Variants in HDAC4 observed in about 807,000 individuals in gnomAD.
HDAC4 encodes histone deacetylase 4, also known as histone deacetylase A.
HDAC4 carries 16 observed loss-of-function variants against 135.1 expected under a neutral mutation model. That is an observed-to-expected ratio of 0.12 (90% CI 0.08 to 0.18). The LOEUF (loss-of-function observed/expected upper bound fraction) is 0.18, where lower values mean the gene tolerates loss of function less well. HDAC4 is among the 10% of genes least tolerant of loss of function. The pLI is 1.00. For synonymous variants in HDAC4, 685 were observed against 653.4 expected (o/e 1.05, Z -0.74); for missense variants, 1,143 against 1,511.8 (o/e 0.76, Z 4.05).
At position 239,137,993 on chromosome 2, in the gene HDAC4, A is replaced by G. The variant is rs185881341; in HGVS notation, c.978+1691T>C. Among the ~76,000 whole-genome samples the G allele has an allele frequency of 4.9e-3, 745 of 152,334 alleles. 4 individuals are homozygous for G. The highest frequency in any genetic ancestry group is 0.017 in the African/African-American group (726 of 41,572). The stretch of plus-strand genomic sequence containing the variant: ...CCCACCCAAACAAGGCACTGTTCCA[A>G]TATTAACTACCATGTACATAAGTGC... On this transcript the variant is annotated intron_variant, in intron 9 of 26. Transcript: ENST00000543185.
intron 4 of HDAC4, among the ~76,000 whole-genome samples, chr2:239,178,134 C>T (rs752466464): frequency 1.3e-5 from 2 of 152,144 alleles, no homozygotes; most frequent in Non-Finnish European, 2.9e-5. Context: ...AAGTGCCAGG[C>T]CTCCACAGGT....
rs921946767 is a variant in HDAC4 at position 239,068,575 on chromosome 2, G to A, written c.2783C>T (p.Ala928Val). 6.2e-7 allele frequency: 1 copy of A among 1,613,942 alleles called. No individual in the cohort carries two copies. The highest frequency in any genetic ancestry group is 1.3e-5 in the African/African-American group (1 of 74,950). The change falls in exon 23 of 27, where the codon GCC becomes GTC. Residue 928 changes from alanine to valine, a missense_variant. Ala to Val is a moderately conservative substitution (Grantham distance 64). Around this residue, in one of 9 missense-constraint regions of HDAC4, gnomAD observed 189 missense variants for 317.6 expected, o/e 0.60. Coordinates refer to ENST00000543185, the MANE Select transcript of HDAC4 (RefSeq NM_001378414.1). This position sits in a 1 kb window ranked among gnomAD's most constrained non-coding sequence, Gnocchi z 4.4. Reference protein sequence around the residue: ...TVVMPIASEFAPDVVLVSSGF... With the variant: ...TVVMPIASEFVPDVVLVSSGF... ...TGATGACACCAGCACCACATCCGGG[G>A]CAAACTCGCTGGCGATCGGCATGAC...
chr2:239,068,727 G>A lies in HDAC4; in HGVS notation c.2751-120C>T, dbSNP rs561872990. ...GCCCCGCACCCCCTCGGCCACTGGC[G>A]GGCTGAGGGCTCCACACAGCAGGCT... On this transcript the variant is annotated intron_variant, in intron 22 of 26. Transcript: ENST00000543185. This position sits in a 1 kb window ranked among gnomAD's most constrained non-coding sequence, Gnocchi z 4.4. 39 of 842,760 alleles carry A rather than the reference G, an allele frequency of 4.6e-5. No homozygotes were observed. Among genetic ancestry groups the A allele is most frequent in the East Asian group, 2.2e-4 (9 of 40,688 alleles). 52.2% of individuals were successfully genotyped at this position (842,760 alleles called of 1,614,324 possible).
Position 239,141,094 on chromosome 2 carries a change from G to C in HDAC4, c.866-1298C>G, listed in dbSNP as rs1331839994. The C allele has an allele frequency of 1.1e-5, 3 of 278,742 alleles. No homozygotes were observed. Among genetic ancestry groups the C allele is most frequent in the Non-Finnish European group, 2.3e-5 (3 of 127,726 alleles). The allele number at this position is 278,742 out of a possible 1,614,324, so 17.3% of individuals were successfully genotyped here. ...CCCGTTTCCCAGAAGAGGAGATGGA[G>C]GCATGGAGCAGCAACATCACTCGTC... On this transcript the variant is annotated intron_variant, in intron 8 of 26. Coordinates refer to ENST00000543185, the MANE Select transcript of HDAC4 (RefSeq NM_001378414.1). The surrounding 1 kb of genome is among the most constrained non-coding windows in gnomAD (Gnocchi z 4.9).
chr2:239,279,138 G>C (rs2050564056), intron 2 of HDAC4, among the ~76,000 whole-genome samples: 1 of 152,238 alleles, frequency 6.6e-6, no homozygotes, highest in Non-Finnish European at 1.5e-5. Context: ...TGATTCCAGG[G>C]CATCAGCAAA....
At chr2:239,088,938 G>T (rs1045422140) in intron 18 of HDAC4, among the ~76,000 whole-genome samples, 1 of 152,118 alleles carries the variant, frequency 6.6e-6, no homozygotes, top group Non-Finnish European at 1.5e-5. Context: ...ATGTAACTCC[G>T]TGAAGCTAAG....
intron 2 of HDAC4, among the ~76,000 whole-genome samples, chr2:239,294,326 G>A (rs6737742): frequency 0.21 from 31,554 of 152,152 alleles, 3,464 homozygotes; most frequent in Non-Finnish European, 0.22. Flanking sequence ...AGCTCCTGAT[G>A]GGCCTTGGCA....
intron 2 of HDAC4, among the ~76,000 whole-genome samples, chr2:239,329,782 AG>A: frequency 6.6e-6 from 1 of 152,212 alleles, no homozygotes; most frequent in Non-Finnish European, 1.5e-5. Context: ...ATCCCTGGGC[AG>A]GAACAGGCGC....
chr2:239,140,111 G>A (rs1181779724), intron 8 of HDAC4, among the ~76,000 whole-genome samples: 2 of 152,176 alleles, frequency 1.3e-5, no homozygotes, highest in African/African-American at 2.4e-5. Context: ...CCTAACAACA[G>A]AAGACCAGAA....
chr2:239,079,863 C>T (rs2035133657), intron 22 of HDAC4, among the ~76,000 whole-genome samples: 1 of 152,190 alleles, frequency 6.6e-6, no homozygotes. Context: ...CATGTGCATG[C>T]AAAGACAAGC....
intron 24 of HDAC4, among the ~76,000 whole-genome samples, chr2:239,056,294 C>T (rs2031834263): frequency 6.6e-6 from 1 of 152,204 alleles, no homozygotes; most frequent in Admixed American, 6.5e-5. Context: ...GTTCCCAATC[C>T]CATTCTCCAA....
rs574480117 is a variant in HDAC4 at position 239,388,279 on chromosome 2, G to A, written c.-220+12699C>T. Among the ~76,000 whole-genome samples, 3 of 152,334 alleles carry A rather than the reference G, an allele frequency of 2.0e-5. No individual in the cohort carries two copies. The South Asian group carries it at 6.2e-4, about 32-fold the overall frequency. ...TGAGGGAGGTGGCAAACTGACCACT[G>A]TGGCTCTCCGCTCGCTGGAGGGCCG... is the stretch of plus-strand genomic sequence containing the variant. On this transcript the variant is annotated intron_variant, in intron 1 of 26. Coordinates refer to ENST00000543185, the MANE Select transcript of HDAC4 (RefSeq NM_001378414.1).
chr2:239,204,891 C>A (rs1559223308), intron 3 of HDAC4, among the ~76,000 whole-genome samples: 2 of 152,174 alleles, frequency 1.3e-5, no homozygotes, highest in Non-Finnish European at 2.9e-5. Context: ...CCCATTGCCC[C>A]CAACAGAGCT....
intron 2 of HDAC4, among the ~76,000 whole-genome samples, chr2:239,237,238 C>T (rs2047937299): frequency 6.6e-6 from 1 of 152,104 alleles, no homozygotes; most frequent in South Asian, 2.1e-4. Flanking sequence ...CGGTTTCCAT[C>T]TATTCAGACT....
intron 2 of HDAC4, among the ~76,000 whole-genome samples, chr2:239,275,985 A>C (rs1385597647): frequency 6.6e-6 from 1 of 152,146 alleles, no homozygotes; most frequent in Non-Finnish European, 1.5e-5. Context: ...GGTGGTGGAC[A>C]GGCTCCGCCC....
At chr2:239,089,815 A>G (rs2036332463) in intron 18 of HDAC4, 194 bp downstream of exon 18, 1 of 624,904 alleles carries the variant, frequency 1.6e-6, no homozygotes, top group Non-Finnish European at 2.9e-6. Flanking sequence ...TACTATGCAC[A>G]TACCCTATCA....
chr2:239,141,878 T>C lies in HDAC4; in HGVS notation c.866-2082A>G, dbSNP rs912764621. 2.6e-5 allele frequency among the ~76,000 whole-genome samples: 4 copies of C among 152,216 alleles called. 1 individual carries two copies. Among genetic ancestry groups the C allele is most frequent in the African/African-American group, 4.8e-5 (2 of 41,456 alleles). Reference sequence around the variant, plus strand: ...TTTGCATTCTACTTCCAGGAATAGGTCTAAGAAAATTCATATAAATGCATA... The same window carrying C: ...TTTGCATTCTACTTCCAGGAATAGGCCTAAGAAAATTCATATAAATGCATA... On this transcript the variant is annotated intron_variant, in intron 8 of 26. Transcript: ENST00000543185. This position sits in a 1 kb window ranked among gnomAD's most constrained non-coding sequence, Gnocchi z 4.9.
At chr2:239,254,675 T>A (rs946230755) in intron 2 of HDAC4, among the ~76,000 whole-genome samples, 1 of 152,202 alleles carries the variant, frequency 6.6e-6, no homozygotes. Context: ...TGGTCCAACA[T>A]AGACCTAGTA....
At chr2:239,132,481 C>A (rs892766505) in intron 11 of HDAC4, among the ~76,000 whole-genome samples, 1 of 152,148 alleles carries the variant, frequency 6.6e-6, no homozygotes, top group Non-Finnish European at 1.5e-5. Flanking sequence ...TGGGCACAGG[C>A]GTAAAGCAAG....
Sources: gnomAD v4.1 joint callset for allele counts (sites outside exome capture counted in the v4.1 genomes callset) on GRCh38, gnomAD v4.1.1 for gene constraint, gnomAD v4.1.1 regional missense constraint, Gnocchi (gnomAD v3.1) non-coding constraint, MANE v1.5 for transcripts, NCBI Gene and HGNC (gene_info 2026-07-23, HGNC 2026-07-21) for gene names.